TCHP: variants seen among roughly 807,000 people sequenced by gnomAD.
TCHP encodes the protein trichoplein keratin filament-binding protein.
In TCHP, 81 loss-of-function variants were observed where a neutral mutation model predicts 88.7. The ratio of observed to expected loss-of-function variants is 0.91; its 90% CI spans 0.76 to 1.10. The LOEUF (loss-of-function observed/expected upper bound fraction) is 1.10. Ranked by LOEUF, TCHP falls within the 50% of genes least tolerant of loss-of-function variation. TCHP has a pLI of 0.00. For synonymous variants in TCHP, 232 were observed against 232.5 expected, an observed-to-expected ratio of 1.00 and a Z score of 0.02; for missense variants, 641 against 632.1, an observed-to-expected ratio of 1.01 and a Z score of -0.15.
chr12:109,892,839 C>T, the TCHP span, among the ~76,000 whole-genome samples: 1 of 152,194 alleles, frequency 6.6e-6, no homozygotes, highest in African/African-American at 2.4e-5. Flanking sequence ...TGAAGGTGGT[C>T]ACCCAGGAAC....
rs183311345 is a variant in TCHP at position 109,901,348 on chromosome 12, T to G, written c.-1+922T>G. Among the ~76,000 whole-genome samples the G allele has an allele frequency of 7.2e-3, 986 of 137,324 alleles. 5 individuals are homozygous for G. The highest frequency in any genetic ancestry group is 0.011 in the Non-Finnish European group (621 of 58,236). 90.1% of individuals were successfully genotyped at this position (137,324 alleles called of 152,430 possible). A position where few individuals can be genotyped will look rare whatever the true frequency, so the allele number is the denominator to read the frequency against. On this transcript the variant is annotated intron_variant, in intron 1 of 12. Coordinates refer to ENST00000405876, the MANE Select transcript of TCHP (RefSeq NM_001143852.2). ...TTACTAACCTTGCTTTTAGACTCTTTTTTTCCCCTTAATCACCTAGCCTTG... is the reference window on the plus strand; with the variant it reads ...TTACTAACCTTGCTTTTAGACTCTTGTTTTCCCCTTAATCACCTAGCCTTG...
the TCHP span, chr12:109,888,519 G>A: frequency 6.6e-6 from 1 of 152,190 alleles, no homozygotes; most frequent in Admixed American, 6.6e-5. Context: ...TCCACCCAGT[G>A]TTAATAACAT....
chr12:109,893,057 T>C, the TCHP span, among the ~76,000 whole-genome samples: 1 of 152,080 alleles, frequency 6.6e-6, no homozygotes, highest in African/African-American at 2.4e-5. Flanking sequence ...TGGGGTGAGC[T>C]TCAGCAAGCT....
the TCHP span, among the ~76,000 whole-genome samples, chr12:109,893,101 C>T: frequency 6.6e-6 from 1 of 152,096 alleles, no homozygotes; most frequent in African/African-American, 2.4e-5. Flanking sequence ...AACATCAGGC[C>T]GGGCGCAGTG....
In TCHP at chr12:109,913,005, A is replaced by T. The variant is rs942190706; in HGVS notation, c.1067A>T (p.Glu356Val). The change falls in exon 10 of 13, where the codon GAG becomes GTG. Residue 356 changes from glutamate (E) to valine (V), a missense_variant. Physicochemically the swap from Glu to Val is moderately radical, Grantham distance 121. Coordinates refer to ENST00000405876, the MANE Select transcript of TCHP (RefSeq NM_001143852.2). ...TGTTTGCCCAGGGAGGAGGCCAAGG[A>T]GATGTGGGAAAAGAGAGAGGCAGAG... The part of the protein sequence containing the change: ...LQMLLREEAK[E>V]MWEKREAEWA... The T allele has an allele frequency of 6.2e-7, 1 of 1,613,758 alleles. No homozygotes were observed.
rs771810814 is a variant in TCHP, at chr12:109,915,422, A to C, written c.1340A>C (p.Gln447Pro). Residue 447 changes from glutamine (Q) to proline (P), a missense_variant, in exon 12 of 13, where the codon CAG (glutamine) becomes CCG (proline). Transcript: ENST00000405876. ...LEAQVAERRL[Q>P]AWEADQQEEE... The stretch of plus-strand genomic sequence containing the variant: ...ACTCAGGTTGCAGAGCGCCGGCTGC[A>C]GGCATGGGAAGCAGACCAGCAGGAG... 6.9e-5 allele frequency: 111 copies of C among 1,614,034 alleles called. No homozygotes were observed. Among genetic ancestry groups the C allele is most frequent in the Non-Finnish European group, 8.8e-5 (104 of 1,180,036 alleles).
chr12:109,889,362 G>A, the TCHP span, among the ~76,000 whole-genome samples: 2 of 151,990 alleles, frequency 1.3e-5, no homozygotes, highest in African/African-American at 4.8e-5. Context: ...AGTCCCAGCT[G>A]CTCAGGAAGC....
chr12:109,903,836 C>A lies in TCHP; in HGVS notation c.189-101C>A. 2.2e-6 allele frequency: 2 copies of A among 916,558 alleles called. No individual in the cohort carries two copies. Among genetic ancestry groups the A allele is most frequent in the Non-Finnish European group, 3.5e-6 (2 of 577,816 alleles). 56.8% of individuals were successfully genotyped at this position (916,558 alleles called of 1,614,324 possible). A position where few individuals can be genotyped will look rare whatever the true frequency, so the allele number is the denominator to read the frequency against. ...GGCTGGGGACACATTCCTGTGTCGT[C>A]ATGACACATCTACCTCAGCCTCTTT... is the stretch of plus-strand genomic sequence containing the variant. On this transcript the variant is annotated intron_variant, in intron 2 of 12. Transcript: ENST00000405876. The surrounding 1 kb of genome is among the most constrained non-coding windows in gnomAD (Gnocchi z 4.6).
Position 109,905,402 on chromosome 12 carries a change from C to T in TCHP, c.456+609C>T, listed in dbSNP as rs1870071513. ...CATCGGAAGAGCTTGTGTGACCTTC[C>T]TCCAAAGGGGCTGGGGGCAGCATAC... On this transcript the variant is annotated intron_variant, in intron 4 of 12. Coordinates refer to ENST00000405876, the MANE Select transcript of TCHP (RefSeq NM_001143852.2). This position sits in a 1 kb window ranked among gnomAD's most constrained non-coding sequence, Gnocchi z 4.0. Among the ~76,000 whole-genome samples the T allele has an allele frequency of 6.6e-6, 1 of 152,130 alleles. No individual in the cohort carries two copies. The highest frequency in any genetic ancestry group is 2.4e-5 in the African/African-American group (1 of 41,420).
At position 109,906,602 on chromosome 12, in the gene TCHP, G is replaced by A. The variant is rs147510018; in HGVS notation, c.487G>A (p.Val163Ile). 4.1e-5 allele frequency: 66 copies of A among 1,611,838 alleles called. No individual in the cohort carries two copies. The highest frequency in any genetic ancestry group is 5.3e-5 in the African/African-American group (4 of 74,896). ...GCTGGACCTTCACCAGAAGCATGTC[G>A]TAAACTCTTGGGAAATGCAGAAAGA... ...MELDLHQKHV[V>I]NSWEMQKEEK... is the part of the protein sequence containing the mutation. The change falls in exon 5 of 13, where the codon GTA (valine) becomes ATA (isoleucine). Residue 163 changes from valine to isoleucine, a missense_variant. Transcript: ENST00000405876.
upstream of TCHP, among the ~76,000 whole-genome samples, chr12:109,897,393 G>A (rs1447589279): frequency 6.6e-6 from 1 of 152,144 alleles, no homozygotes; most frequent in Non-Finnish European, 1.5e-5. Context: ...TGCTGGTCGA[G>A]CCCTAAGCCC....
the TCHP span, among the ~76,000 whole-genome samples, chr12:109,891,392 T>C: frequency 6.8e-6 from 1 of 147,058 alleles, no homozygotes; most frequent in Non-Finnish European, 1.5e-5. Context: ...AATATTTCCT[T>C]TTTTTTTTTT....
chr12:109,890,909 A>G, the TCHP span, among the ~76,000 whole-genome samples: 1 of 152,326 alleles, frequency 6.6e-6, no homozygotes, highest in South Asian at 2.1e-4. Flanking sequence ...AGCTCTCTCA[A>G]GGAGCTCACA....
chr12:109,914,840 G>GCTGT (rs1260029726), intron 11 of TCHP: 2 of 523,066 alleles, frequency 3.8e-6, no homozygotes, highest in Admixed American at 6.6e-5. Context: ...GGCCGGTACT[G>GCTGT]CTGTCTGTTC....
In TCHP at chr12:109,907,685, C is replaced by G. The variant is rs761403628; in HGVS notation, c.685C>G (p.Leu229Val). Residue 229 changes from leucine (L) to valine (V), a missense_variant, in exon 6 of 13, where the codon CTG becomes GTG. Physicochemically the swap from Leu to Val is conservative, Grantham distance 32. Coordinates refer to ENST00000405876, the MANE Select transcript of TCHP (RefSeq NM_001143852.2). ...GCTGCAACAGATGGAGGAGCTGAAG[C>G]TGAAGGAGGTGGAGGTGGGCACAAG... ...ALLQQMEELK[L>V]KEVEATKLKK... The G allele has an allele frequency of 6.2e-7, 1 of 1,603,472 alleles. No homozygotes were observed. Among genetic ancestry groups the G allele is most frequent in the South Asian group, 1.1e-5 (1 of 90,382 alleles).
intron 11 of TCHP, 26 bp downstream of exon 11, chr12:109,914,653 G>A (rs1247941532): frequency 6.3e-7 from 1 of 1,592,012 alleles, no homozygotes; most frequent in South Asian, 1.1e-5. Flanking sequence ...AGGGCGGGAG[G>A]CACCGGGCCT....
intron 11 of TCHP, chr12:109,914,861 G>T (rs1870711913): frequency 1.0e-5 from 5 of 484,740 alleles, no homozygotes; most frequent in Admixed American, 3.6e-5. Context: ...TCTTTACTCT[G>T]TCTGCTTCTG....
chr12:109,891,748 A>T, the TCHP span, among the ~76,000 whole-genome samples: 1 of 151,044 alleles, frequency 6.6e-6, no homozygotes, highest in Non-Finnish European at 1.5e-5. Context: ...CTTGTCGCCC[A>T]GGCTGGCGTG....
At position 109,901,400 on chromosome 12, in the gene TCHP, G is replaced by A. The variant is rs1208809414; in HGVS notation, c.-1+974G>A. 3.4e-5 allele frequency among the ~76,000 whole-genome samples: 5 copies of A among 145,372 alleles called. No homozygotes were observed. The East Asian group carries it at 8.0e-4, about 23-fold the overall frequency. ...TTCCACATGAATTAGCTCTCCCTTA[G>A]TTGAGAAAGCCGGATGAACTCCATC... On this transcript the variant is annotated intron_variant, in intron 1 of 12. Coordinates refer to ENST00000405876, the MANE Select transcript of TCHP (RefSeq NM_001143852.2).
Sources: allele counts gnomAD v4.1 joint callset (sites outside exome capture counted in the v4.1 genomes callset), GRCh38; gene constraint gnomAD v4.1.1; non-coding constraint Gnocchi (gnomAD v3.1); transcripts MANE v1.5; gene names NCBI Gene and HGNC (gene_info 2026-07-23, HGNC 2026-07-21).